Variants in POC1A observed in about 807,000 individuals in gnomAD.
POC1A encodes POC1 centriolar protein A.
Under a neutral mutation model 47.8 loss-of-function variants are expected in POC1A, and 34 were observed. That is an observed-to-expected ratio of 0.71 (90% CI 0.54 to 0.95). The LOEUF (loss-of-function observed/expected upper bound fraction) is 0.95. POC1A is among the 40% of genes least tolerant of loss of function. The pLI, the probability that POC1A is intolerant of heterozygous loss-of-function variation, is 0.00. For missense variants in POC1A, 466 were observed against 528.3 expected (o/e 0.88, Z 1.16); for synonymous variants, 177 against 207.6 (o/e 0.85, Z 1.27).
rs1432581414 is a variant in POC1A, at chr3:52,151,628, A to AT, written c.19-529_19-528insA. 3.1e-3 allele frequency among the ~76,000 whole-genome samples: 466 copies of AT among 151,668 alleles called. 4 individuals are homozygous for AT. Among genetic ancestry groups the AT allele is most frequent in the Middle Eastern group, 0.01 (3 of 292 alleles). Reference sequence around the variant, plus strand: ...TCCGTCTCAAAAAAAAAAAAAAAAAAAGGAATAATTTAACAAAAGAAGTGC... The same window carrying AT: ...TCCGTCTCAAAAAAAAAAAAAAAAAATAGGAATAATTTAACAAAAGAAGTGC... On this transcript the variant is annotated intron_variant, in intron 1 of 10. Transcript: ENST00000296484.
chr3:52,108,206 G>C (rs1009954085), intron 9 of POC1A, among the ~76,000 whole-genome samples: 1 of 152,216 alleles, frequency 6.6e-6, no homozygotes, highest in African/African-American at 2.4e-5. Flanking sequence ...TGACCTCTCT[G>C]CCAGGTTTCT....
intron 9 of POC1A, among the ~76,000 whole-genome samples, chr3:52,101,090 C>CAAA (rs146285042): frequency 1.8e-4 from 10 of 56,972 alleles, no homozygotes; most frequent in Non-Finnish European, 1.9e-4. Context: ...CAACCCTCAG[C>CAAA]AAAAAAAAAA....
chr3:52,120,165 T>TA (rs1200830283), intron 9 of POC1A, among the ~76,000 whole-genome samples: 5 of 152,214 alleles, frequency 3.3e-5, no homozygotes, highest in African/African-American at 1.2e-4. Context: ...CTTCTGGAAA[T>TA]AGACGGTGAT....
At position 52,102,547 on chromosome 3, in the gene POC1A, G is replaced by C. The variant is rs527844353; in HGVS notation, c.982-5835C>G. On this transcript the variant is annotated intron_variant, in intron 9 of 10. Transcript: ENST00000296484. The stretch of plus-strand genomic sequence containing the variant: ...ATTCAATTTAGGACCACCAATCCAA[G>C]ACGATCTCACCTTGAGATTCTTAAT... Among the ~76,000 whole-genome samples the C allele has an allele frequency of 2.0e-5, 3 of 152,290 alleles. 1 individual carries two copies. The South Asian group carries it at 6.2e-4, about 32-fold the overall frequency.
At chr3:52,119,879 G>C (rs1703706392) in intron 9 of POC1A, among the ~76,000 whole-genome samples, 1 of 152,192 alleles carries the variant, frequency 6.6e-6, no homozygotes, top group Non-Finnish European at 1.5e-5. Flanking sequence ...CTGGGTTATT[G>C]GGAAGGCCAG....
intron 9 of POC1A, among the ~76,000 whole-genome samples, chr3:52,114,998 C>A (rs930828510): frequency 6.6e-6 from 1 of 152,222 alleles, no homozygotes; most frequent in Non-Finnish European, 1.5e-5. Flanking sequence ...TCTTGACCCC[C>A]AGAGATGCCC....
At chr3:52,102,265 C>G (rs1703030308) in intron 9 of POC1A, among the ~76,000 whole-genome samples, 1 of 152,180 alleles carries the variant, frequency 6.6e-6, no homozygotes, top group Non-Finnish European at 1.5e-5. Context: ...GCTGCTGTAA[C>G]AAATTGTCAC....
At position 52,116,876 on chromosome 3, in the gene POC1A, C is replaced by T. The variant is rs77193966; in HGVS notation, c.981+5503G>A. 4.7e-4 allele frequency among the ~76,000 whole-genome samples: 71 copies of T among 152,114 alleles called. No homozygotes were observed. In the East Asian group the frequency reaches 0.011, roughly 23 times the overall value. ...GACCAGCCTAGACAAGACAGGGAGACCCTTTCTCTACAAAAAATTTAAAAA... is the reference window on the plus strand; with the variant it reads ...GACCAGCCTAGACAAGACAGGGAGATCCTTTCTCTACAAAAAATTTAAAAA... On this transcript the variant is annotated intron_variant, in intron 9 of 10. Transcript: ENST00000296484.
At chr3:52,139,419 G>T (rs868263738) in intron 6 of POC1A, among the ~76,000 whole-genome samples, 1 of 152,100 alleles carries the variant, frequency 6.6e-6, no homozygotes, top group Non-Finnish European at 1.5e-5. Flanking sequence ...CTCTCCAAGA[G>T]CCGGCCACCC....
chr3:52,103,186 A>G (rs975346462), intron 9 of POC1A, among the ~76,000 whole-genome samples: 1 of 152,262 alleles, frequency 6.6e-6, no homozygotes, highest in Non-Finnish European at 1.5e-5. Context: ...ACCTTGCACC[A>G]CATACAGAAA....
At chr3:52,127,433 C>T (rs1704047570) in intron 7 of POC1A, among the ~76,000 whole-genome samples, 1 of 151,638 alleles carries the variant, frequency 6.6e-6, no homozygotes, top group South Asian at 2.1e-4. Flanking sequence ...CTCTGTTGCC[C>T]GGGCTGGAGT....
Position 52,154,336 on chromosome 3 carries a change from TG to T in POC1A, c.18+18del. 15 of 1,560,400 alleles carry T rather than the reference TG, an allele frequency of 9.6e-6. No individual in the cohort carries two copies. Among genetic ancestry groups the T allele is most frequent in the Non-Finnish European group, 1.1e-5 (13 of 1,156,598 alleles). ...GCGGGGAGACTGAGGCCTGGGGAGT[TG>T]CTCTCGGCTGGGCTTACCGCGCAGG... On this transcript the variant is annotated intron_variant, in intron 1 of 10. Coordinates refer to ENST00000296484, the MANE Select transcript of POC1A (RefSeq NM_015426.5).
intron 6 of POC1A, among the ~76,000 whole-genome samples, chr3:52,140,145 C>G (rs570017687): frequency 2.0e-5 from 3 of 152,236 alleles, no homozygotes; most frequent in Non-Finnish European, 4.4e-5. Flanking sequence ...ACAGGGTGCA[C>G]GCAGTCCCTC....
In POC1A at chr3:52,122,468, A is replaced by C. The variant is rs1443078199; in HGVS notation, c.892T>G (p.Trp298Gly). 1 of 1,608,552 alleles carries C rather than the reference A, an allele frequency of 6.2e-7. No homozygotes were observed. Among genetic ancestry groups the C allele is most frequent in the Non-Finnish European group, 8.5e-7 (1 of 1,174,938 alleles). The change falls in exon 9 of 11, where the codon TGG becomes GGG. Residue 298 changes from tryptophan (W) to glycine (G), a missense_variant. Coordinates refer to ENST00000296484, the MANE Select transcript of POC1A (RefSeq NM_015426.5). ...TCAACAATATCAAAGTTACTCTTCC[A>C]AACCATCACCTGCCAAAACCAACAG... ...SGGSDEQVMVWKSNFDIVDHG... is the reference protein window; with the variant it reads ...SGGSDEQVMVGKSNFDIVDHG...
intron 10 of POC1A, among the ~76,000 whole-genome samples, chr3:52,086,523 G>C (rs1187966654): frequency 6.6e-6 from 1 of 152,230 alleles, no homozygotes; most frequent in African/African-American, 2.4e-5. Flanking sequence ...CTAGCTCTGC[G>C]TTGTATCCTG....
chr3:52,143,347 C>T (rs1379537121), intron 6 of POC1A, among the ~76,000 whole-genome samples: 2 of 152,082 alleles, frequency 1.3e-5, no homozygotes, highest in African/African-American at 4.8e-5. Context: ...AGCCTGCTCC[C>T]TCCAGGTCCC....
At chr3:52,098,212 C>T (rs1388863836) in intron 9 of POC1A, among the ~76,000 whole-genome samples, 2 of 152,180 alleles carry the variant, frequency 1.3e-5, no homozygotes, top group Non-Finnish European at 2.9e-5. Context: ...CCACTCCTTC[C>T]AGAGGACCCC....
intron 7 of POC1A, among the ~76,000 whole-genome samples, chr3:52,126,779 A>G (rs917830816): frequency 1.3e-5 from 2 of 152,214 alleles, no homozygotes; most frequent in African/African-American, 4.8e-5. Context: ...GGCCAAAGTC[A>G]TCCTTTTATA....
chr3:52,134,436 A>C (rs548228355), intron 7 of POC1A, among the ~76,000 whole-genome samples: 2 of 152,262 alleles, frequency 1.3e-5, no homozygotes, highest in African/African-American at 4.8e-5. Flanking sequence ...GTTTGAGACC[A>C]GCCTGGCCAA....
Sources: gnomAD v4.1 joint callset for allele counts (sites outside exome capture counted in the v4.1 genomes callset) on GRCh38, gnomAD v4.1.1 for gene constraint, MANE v1.5 for transcripts, NCBI Gene and HGNC (gene_info 2026-07-23, HGNC 2026-07-21) for gene names.